TXLNG: variants seen among roughly 807,000 people sequenced by gnomAD.
TXLNG encodes taxilin gamma, also known as gamma-taxilin.
In TXLNG, 5 loss-of-function variants were observed where a neutral mutation model predicts 38.8. That is an observed-to-expected ratio of 0.13 (90% CI 0.07 to 0.27). The LOEUF is 0.27. Ranked by LOEUF, TXLNG falls within the 10% of genes least tolerant of loss-of-function variation. The pLI, the probability that TXLNG is intolerant of heterozygous loss-of-function variation, is 1.00. For missense variants in TXLNG, 393 were observed against 398.2 expected (o/e 0.99, Z 0.11); for synonymous variants, 182 against 158.2 (o/e 1.15, Z -1.13).
chrX:16,826,069 C>G (rs1489655248), intron 3 of TXLNG, among the ~76,000 whole-genome samples: 4 of 110,862 alleles, frequency 3.6e-5, no homozygotes, highest in African/African-American at 1.3e-4. Flanking sequence ...GAGAAGTGCA[C>G]ACAGATGAAA....
At chrX:16,791,564 C>T (rs1378326403) in intron 1 of TXLNG, among the ~76,000 whole-genome samples, 3 of 111,611 alleles carry the variant, frequency 2.7e-5, no homozygotes, top group Middle Eastern at 8.4e-3. Context: ...GTTATTGGAA[C>T]GTGTTTTATT....
intron 5 of TXLNG, among the ~76,000 whole-genome samples, chrX:16,830,829 CCG>C (rs1929369233): frequency 3.4e-5 from 1 of 29,116 alleles, no homozygotes; most frequent in East Asian, 2.9e-3. Context: ...AACCGTAATT[CCG>C]TGTGTGTGTG....
chrX:16,835,460 T>TG (rs1432499499), intron 7 of TXLNG, among the ~76,000 whole-genome samples: 1 of 112,129 alleles, frequency 8.9e-6, no homozygotes, highest in East Asian at 2.8e-4. Flanking sequence ...TTTGAATCTC[T>TG]TACTTATCAG....
chrX:16,839,594 A>G (rs186365010), intron 8 of TXLNG, among the ~76,000 whole-genome samples: 3 of 111,469 alleles, frequency 2.7e-5, no homozygotes, highest in East Asian at 5.6e-4. Flanking sequence ...TGTTTTTCTC[A>G]TAATACAAAC....
At chrX:16,806,734 G>A (rs761522367) in intron 1 of TXLNG, among the ~76,000 whole-genome samples, 2 of 110,185 alleles carry the variant, frequency 1.8e-5, no homozygotes, top group South Asian at 7.6e-4. Context: ...TGGTTAACAC[G>A]GTGAAACCCC....
intron 1 of TXLNG, among the ~76,000 whole-genome samples, chrX:16,797,430 T>C (rs1000979285): frequency 8.9e-6 from 1 of 112,075 alleles, no homozygotes; most frequent in African/African-American, 3.2e-5. Flanking sequence ...TCCTTTGCTT[T>C]AGGGTTTGTC....
chrX:16,839,996 C>T (rs757870970), intron 9 of TXLNG, 80 bp downstream of exon 9: 32 of 763,857 alleles, frequency 4.2e-5, no homozygotes, highest in Admixed American at 1.2e-4. Flanking sequence ...GGGCCGGGGA[C>T]GTGTGCTGTA....
intron 1 of TXLNG, among the ~76,000 whole-genome samples, chrX:16,817,123 A>G (rs1928774800): frequency 1.8e-5 from 2 of 112,516 alleles, no homozygotes; most frequent in South Asian, 7.3e-4. Flanking sequence ...TGCATCCAAC[A>G]GTAGTTCATT....
intron 1 of TXLNG, among the ~76,000 whole-genome samples, chrX:16,788,476 T>C (rs1479241474): frequency 1.8e-5 from 2 of 111,456 alleles, no homozygotes; most frequent in Non-Finnish European, 3.8e-5. Context: ...TTCAAATACA[T>C]GGTAAAATAT....
rs201213408 is a variant in TXLNG at position 16,818,583 on chromosome X, G to C, written c.112G>C (p.Gly38Arg). The change falls in exon 2 of 10, where the codon GGC becomes CGC. Residue 38 changes from glycine (G) to arginine (R), a missense_variant. By Grantham distance (125) the Gly-to-Arg change is moderately radical (BLOSUM62 -2). Coordinates refer to ENST00000380122, the MANE Select transcript of TXLNG (RefSeq NM_018360.3). Reference sequence around the variant, plus strand: ...TTCTCCTTTCTTCTAGTTTGAAATTGGCACAATGGAAGAAGCTGGAATTTG... The same window carrying C: ...TTCTCCTTTCTTCTAGTTTGAAATTCGCACAATGGAAGAAGCTGGAATTTG... ...RRSPRQKFEI[G>R]TMEEAGICGL... The C allele has an allele frequency of 8.3e-7, 1 of 1,206,565 alleles. No individual in the cohort carries two copies. The highest frequency in any genetic ancestry group is 3.0e-5 in the East Asian group (1 of 33,769).
At chrX:16,812,396 C>CT (rs58240070) in intron 1 of TXLNG, among the ~76,000 whole-genome samples, 56 of 86,691 alleles carry the variant, frequency 6.5e-4, no homozygotes, top group Middle Eastern at 5.6e-3. Context: ...ATATTTATTC[C>CT]TTTTTTTTTT....
chrX:16,811,935 C>T (rs1053959059), intron 1 of TXLNG, among the ~76,000 whole-genome samples: 4 of 110,539 alleles, frequency 3.6e-5, no homozygotes, highest in South Asian at 3.8e-4. Flanking sequence ...TCACCGCACC[C>T]GACCCTGAGT....
At chrX:16,793,093 C>T (rs1394911900) in intron 1 of TXLNG, among the ~76,000 whole-genome samples, 2 of 103,937 alleles carry the variant, frequency 1.9e-5, no homozygotes, top group African/African-American at 3.5e-5. Context: ...AGGGAGACTC[C>T]GTGTCAAAAA....
chrX:16,813,275 AAAT>A (rs1928604292), intron 1 of TXLNG, among the ~76,000 whole-genome samples: 1 of 111,437 alleles, frequency 9.0e-6, no homozygotes, highest in East Asian at 2.8e-4. Context: ...GGCTATAAAA[AAAT>A]AATAATAACA....
At chrX:16,830,744 T>A (rs1048440331) in intron 5 of TXLNG, among the ~76,000 whole-genome samples, 2 of 107,379 alleles carry the variant, frequency 1.9e-5, no homozygotes, top group South Asian at 4.0e-4. Flanking sequence ...TTGTTTTTTT[T>A]AAAAAAAAAT....
chrX:16,793,250 C>G (rs1307712842), intron 1 of TXLNG, among the ~76,000 whole-genome samples: 1 of 111,267 alleles, frequency 9.0e-6, no homozygotes, highest in African/African-American at 3.3e-5. Context: ...TTGAATCTAC[C>G]TCCTAGTTGA....
In TXLNG at chrX:16,828,237, A is replaced by G; in HGVS notation, c.642A>G (p.Glu214=). The part of the protein sequence containing the change: ...ARSKLESLCR[E]LQRHNKTLKE... ...GCAAGCTAGAATCTCTTTGCAGAGA[A>G]CTTCAGCGTCACAATAAGACGTTAA... is the stretch of plus-strand genomic sequence containing the variant. The change falls in exon 4 of 10, where the codon GAA becomes GAG. Residue 214 remains glutamate, a synonymous_variant. Coordinates refer to ENST00000380122, the MANE Select transcript of TXLNG (RefSeq NM_018360.3). 1 of 1,207,973 alleles carries G rather than the reference A, an allele frequency of 8.3e-7. No individual in the cohort carries two copies.
At chrX:16,830,330 G>A (rs1204359467) in intron 5 of TXLNG, among the ~76,000 whole-genome samples, 1 of 107,915 alleles carries the variant, frequency 9.3e-6, no homozygotes, top group Non-Finnish European at 1.9e-5. Context: ...GGCCTTCAAT[G>A]AAGACTTTTG....
intron 1 of TXLNG, among the ~76,000 whole-genome samples, chrX:16,800,562 C>CTT (rs747782846): frequency 2.1e-4 from 14 of 68,237 alleles, no homozygotes; most frequent in East Asian, 4.6e-4. Flanking sequence ...GAGGAGGAAA[C>CTT]TTTTTTTTTT....
Sources: allele counts gnomAD v4.1 joint callset (sites outside exome capture counted in the v4.1 genomes callset), GRCh38; gene constraint gnomAD v4.1.1; transcripts MANE v1.5; gene names NCBI Gene and HGNC (gene_info 2026-07-23, HGNC 2026-07-21).